CENPP: variants seen among roughly 807,000 people sequenced by gnomAD.
The protein encoded by CENPP is centromere protein P.
CENPP carries 24 observed loss-of-function variants against 35.6 expected under a neutral mutation model. The observed-to-expected ratio is 0.67, with a 90% CI of 0.49 to 0.95. The LOEUF (loss-of-function observed/expected upper bound fraction) is 0.95. Ranked by LOEUF, CENPP falls within the 40% of genes least tolerant of loss-of-function variation. CENPP has a pLI of 0.00. For missense variants in CENPP, 332 were observed against 345.3 expected (o/e 0.96, Z 0.31); for synonymous variants, 120 against 125.5 (o/e 0.96, Z 0.29).
chr9:92,493,963 G>A, intron 5 of CENPP: 4 of 830,290 alleles, frequency 4.8e-6, no homozygotes, highest in Non-Finnish European at 7.4e-6. Flanking sequence ...GGCCGTTGAG[G>A]GTGGCCGTAG....
intron 5 of CENPP, among the ~76,000 whole-genome samples, chr9:92,425,983 G>A (rs893457055): frequency 2.6e-5 from 4 of 152,242 alleles, no homozygotes; most frequent in Middle Eastern, 3.4e-3. Flanking sequence ...TCTGTGATTT[G>A]GATTTATGAT....
intron 5 of CENPP, among the ~76,000 whole-genome samples, chr9:92,598,174 G>T (rs1850825426): frequency 6.6e-6 from 1 of 152,162 alleles, no homozygotes; most frequent in Non-Finnish European, 1.5e-5. Context: ...GTGTTCTTTG[G>T]GGGTGTGGGT....
At chr9:92,394,889 G>A (rs1842832723) in intron 5 of CENPP, among the ~76,000 whole-genome samples, 1 of 152,144 alleles carries the variant, frequency 6.6e-6, no homozygotes, top group African/African-American at 2.4e-5. Context: ...TTACAGGTGT[G>A]AGCCACCACG....
intron 5 of CENPP, among the ~76,000 whole-genome samples, chr9:92,559,447 A>C (rs995522042): frequency 3.9e-5 from 6 of 152,130 alleles, no homozygotes; most frequent in African/African-American, 1.4e-4. Flanking sequence ...CCACTTCCGC[A>C]ATTGGGGCAC....
In CENPP at chr9:92,492,400, C is replaced by T. The variant is rs189184893; in HGVS notation, c.564+112541C>T. Among the ~76,000 whole-genome samples the T allele has an allele frequency of 1.8e-3, 269 of 152,192 alleles. 1 individual carries two copies. Among genetic ancestry groups the T allele is most frequent in the Non-Finnish European group, 2.4e-3 (164 of 68,018 alleles). ...GAGTGGGAATAATCGTCTTGATGAC[C>T]CCTGGAGGTGTCCGTGACAACTAGA... On this transcript the variant is annotated intron_variant, in intron 5 of 7. Transcript: ENST00000375587.
chr9:92,444,669 A>G (rs1376830716), intron 5 of CENPP, among the ~76,000 whole-genome samples: 1 of 152,138 alleles, frequency 6.6e-6, no homozygotes, highest in East Asian at 1.9e-4. Flanking sequence ...TGTGTTGTGA[A>G]TGTATTGTCC....
At chr9:92,470,755 G>T in intron 5 of CENPP, 2 of 1,595,310 alleles carry the variant, frequency 1.3e-6, no homozygotes, top group Non-Finnish European at 1.7e-6. Context: ...GTATCAAATG[G>T]AATGTTGGTT....
intron 5 of CENPP, among the ~76,000 whole-genome samples, chr9:92,607,762 AG>A (rs1383197520): frequency 6.6e-6 from 1 of 152,236 alleles, no homozygotes; most frequent in African/African-American, 2.4e-5. Context: ...ATATAATACA[AG>A]GTTGGTTTTC....
intron 5 of CENPP, among the ~76,000 whole-genome samples, chr9:92,446,579 A>T (rs1008746552): frequency 6.6e-6 from 1 of 152,196 alleles, no homozygotes; most frequent in Non-Finnish European, 1.5e-5. Context: ...ATAAAAACAC[A>T]TTGTGTTCCT....
chr9:92,427,229 C>T (rs1478249492), intron 5 of CENPP, among the ~76,000 whole-genome samples: 1 of 152,104 alleles, frequency 6.6e-6, no homozygotes, highest in Non-Finnish European at 1.5e-5. Context: ...ATGGCGCCGT[C>T]TTGGCTCACT....
At chr9:92,386,365 A>G (rs1842421684) in intron 5 of CENPP, 4 of 896,222 alleles carry the variant, frequency 4.5e-6, no homozygotes, top group South Asian at 2.7e-5. Flanking sequence ...CAAGCAATAT[A>G]TATGTGCATA....
At chr9:92,367,245 C>T (rs1428317992) in intron 4 of CENPP, among the ~76,000 whole-genome samples, 1 of 152,176 alleles carries the variant, frequency 6.6e-6, no homozygotes, top group Non-Finnish European at 1.5e-5. Context: ...CGGCTCACTA[C>T]AACCTCCACC....
intron 4 of CENPP, among the ~76,000 whole-genome samples, chr9:92,365,793 T>C (rs1168803095): frequency 6.6e-6 from 1 of 152,158 alleles, no homozygotes; most frequent in East Asian, 1.9e-4. Context: ...TTCTTTCTTT[T>C]TTTTTTCTTA....
chr9:92,608,654 G>A (rs186202523), intron 5 of CENPP, among the ~76,000 whole-genome samples: 31 of 152,294 alleles, frequency 2.0e-4, no homozygotes, highest in African/African-American at 6.7e-4. Context: ...ATCAGTGACC[G>A]TGACCTTGGC....
At chr9:92,489,712 C>T (rs962063141) in intron 5 of CENPP, among the ~76,000 whole-genome samples, 3 of 151,456 alleles carry the variant, frequency 2.0e-5, no homozygotes, top group Admixed American at 2.0e-4. Context: ...CTCAGATGTT[C>T]GTGTATACCA....
chr9:92,500,684 C>A, intron 5 of CENPP: 1 of 1,554,048 alleles, frequency 6.4e-7, no homozygotes, highest in Non-Finnish European at 8.7e-7. Context: ...ATATATTTTG[C>A]CAACCAAAAT....
intron 5 of CENPP, among the ~76,000 whole-genome samples, chr9:92,491,318 G>GGGGC (rs1486878029): frequency 6.6e-6 from 1 of 152,140 alleles, no homozygotes; most frequent in Non-Finnish European, 1.5e-5. Flanking sequence ...GGGGTTTTGT[G>GGGGC]GGGCTGGGGG....
chr9:92,406,375 G>T (rs1843309246), intron 5 of CENPP, among the ~76,000 whole-genome samples: 1 of 152,108 alleles, frequency 6.6e-6, no homozygotes, highest in Non-Finnish European at 1.5e-5. Context: ...GTCAGTGAGA[G>T]ACCATGTAGA....
rs1470856191 is a variant in CENPP at position 92,613,050 on chromosome 9, A to T, written c.768A>T (p.Glu256Asp). 1 of 1,614,174 alleles carries T rather than the reference A, an allele frequency of 6.2e-7. No homozygotes were observed. Among genetic ancestry groups the T allele is most frequent in the Non-Finnish European group, 8.5e-7 (1 of 1,180,016 alleles). ...ALELDKNRAIETAPLSFRTLV... is the reference protein window; with the variant it reads ...ALELDKNRAIDTAPLSFRTLV... ...AGCTGGACAAGAACAGAGCCATAGA[A>T]ACTGCTCCTCTCAGCTTCCGAACCC... The change falls in exon 8 of 8, where the codon GAA (glutamate) becomes GAT (aspartate). Residue 256 changes from glutamate to aspartate, a missense_variant. Glu to Asp is a conservative substitution (Grantham distance 45). Transcript: ENST00000375587.
Sources: gnomAD v4.1 joint callset for allele counts (sites outside exome capture counted in the v4.1 genomes callset) on GRCh38, gnomAD v4.1.1 for gene constraint, MANE v1.5 for transcripts, NCBI Gene and HGNC (gene_info 2026-07-23, HGNC 2026-07-21) for gene names.